Variants in SLC12A9 observed in about 807,000 individuals in gnomAD.
The protein encoded by SLC12A9 is CCC-interacting protein 1.
SLC12A9 carries 55 observed loss-of-function variants against 66.0 expected under a neutral mutation model. The observed-to-expected ratio is 0.83, with a 90% CI of 0.67 to 1.04. The LOEUF (loss-of-function observed/expected upper bound fraction) is 1.04, where lower values mean the gene tolerates loss of function less well. Ranked by LOEUF, SLC12A9 falls within the 50% of genes least tolerant of loss-of-function variation. The pLI is 0.00. For missense variants in SLC12A9, 1,061 were observed against 1,241.9 expected (o/e 0.85, Z 2.19); for synonymous variants, 577 against 569.0 (o/e 1.01, Z -0.20).
chr7:100,834,601 G>A (rs1294629813), intron 1 of SLC12A9, among the ~76,000 whole-genome samples: 1 of 152,078 alleles, frequency 6.6e-6, no homozygotes, highest in African/African-American at 2.4e-5. Context: ...AGGAGATAAG[G>A]GTTGGGTGCG....
At chr7:100,839,079 T>G (rs1232665703) in intron 1 of SLC12A9, among the ~76,000 whole-genome samples, 1 of 152,020 alleles carries the variant, frequency 6.6e-6, no homozygotes, top group Non-Finnish European at 1.5e-5. Context: ...ATCCCAGCGC[T>G]TTGGGAGGCC....
At chr7:100,855,939 C>T (rs774249477) in intron 4 of SLC12A9, 102 bp downstream of exon 4, 2 of 1,483,772 alleles carry the variant, frequency 1.3e-6, no homozygotes, top group African/African-American at 2.8e-5. Flanking sequence ...GCAGACTGAG[C>T]CATTACCTTG....
intron 1 of SLC12A9, among the ~76,000 whole-genome samples, chr7:100,841,706 T>A (rs1813794674): frequency 6.6e-6 from 1 of 152,120 alleles, no homozygotes; most frequent in East Asian, 1.9e-4. Context: ...TTAACATTCA[T>A]AACACACGAA....
chr7:100,856,714 G>A (rs1814408336), intron 4 of SLC12A9, 154 bp from the exon 5 acceptor site: 4 of 723,270 alleles, frequency 5.5e-6, no homozygotes, highest in South Asian at 2.0e-5. Flanking sequence ...GTTTCACAAT[G>A]TTGCCCAGGT....
chr7:100,865,552 A>T (rs1815023580), intron 13 of SLC12A9, 167 bp from the exon 14 acceptor site: 1 of 1,583,666 alleles, frequency 6.3e-7, no homozygotes, highest in Non-Finnish European at 8.6e-7. Flanking sequence ...AGGAAAAATG[A>T]AAAGTCTTTA....
exon 1 of SLC12A9, chr7:100,827,015 G>A (rs747556916): frequency 6.3e-7 from 1 of 1,584,110 alleles, no homozygotes; most frequent in South Asian, 1.2e-5. Context: ...CAGCAGAGCA[G>A]CACCCGGAGC....
At chr7:100,832,420 G>A (rs1813561651) in intron 1 of SLC12A9, among the ~76,000 whole-genome samples, 1 of 152,050 alleles carries the variant, frequency 6.6e-6, no homozygotes, top group Non-Finnish European at 1.5e-5. Flanking sequence ...AGGCCGAGGT[G>A]GGAGGATCAC....
At chr7:100,846,566 C>T (rs1453912482) in intron 1 of SLC12A9, among the ~76,000 whole-genome samples, 2 of 105,468 alleles carry the variant, frequency 1.9e-5, no homozygotes, top group Non-Finnish European at 4.1e-5. Flanking sequence ...GACTCCGTCT[C>T]AAAAAAAAAA....
intron 1 of SLC12A9, among the ~76,000 whole-genome samples, chr7:100,853,847 G>A (rs1390117415): frequency 6.6e-6 from 1 of 152,078 alleles, no homozygotes; most frequent in Non-Finnish European, 1.5e-5. Context: ...TCCTGCCTCA[G>A]CCTCCCAAGT....
chr7:100,854,049 A>G, intron 1 of SLC12A9, 107 bp from the exon 2 acceptor site: 1 of 671,044 alleles, frequency 1.5e-6, no homozygotes. Context: ...TTTTTAGTAG[A>G]GAGCAGCTCT....
At chr7:100,842,344 T>G (rs1813806894) in intron 1 of SLC12A9, among the ~76,000 whole-genome samples, 1 of 152,200 alleles carries the variant, frequency 6.6e-6, no homozygotes, top group Non-Finnish European at 1.5e-5. Context: ...ATTTAATGAT[T>G]GCTTTGTTAT....
chr7:100,833,673 A>G (rs1813587246), intron 1 of SLC12A9, among the ~76,000 whole-genome samples: 1 of 151,444 alleles, frequency 6.6e-6, no homozygotes, highest in African/African-American at 2.4e-5. Context: ...GGTGGCTCAC[A>G]CCTATAATCC....
intron 1 of SLC12A9, among the ~76,000 whole-genome samples, chr7:100,843,634 G>A: frequency 6.6e-6 from 1 of 152,178 alleles, no homozygotes; most frequent in East Asian, 1.9e-4. Flanking sequence ...TAGCAGCAAT[G>A]GCCCTGTTAG....
chr7:100,861,680 G>C lies in SLC12A9; in HGVS notation c.1537-57G>C. The C allele has an allele frequency of 1.2e-6, 2 of 1,612,362 alleles. No homozygotes were observed. The highest frequency in any genetic ancestry group is 1.7e-6 in the Non-Finnish European group (2 of 1,178,602). On this transcript the variant is annotated intron_variant, in intron 11 of 13. Transcript: ENST00000354161. This position sits in a 1 kb window ranked among gnomAD's most constrained non-coding sequence, Gnocchi z 5.3. ...TTGGTGCTCCCGTCCAGGAGGCGCT[G>C]AACGGGGCTGTGCATTTGATCCTGC...
chr7:100,851,447 A>G (rs1378698122), upstream of SLC12A9, among the ~76,000 whole-genome samples: 3 of 148,516 alleles, frequency 2.0e-5, no homozygotes, highest in African/African-American at 7.4e-5. Flanking sequence ...TTTTTGAGAC[A>G]GAGTCTCGTT....
intron 1 of SLC12A9, among the ~76,000 whole-genome samples, chr7:100,839,349 C>A (rs1020493065): frequency 6.6e-6 from 1 of 152,082 alleles, no homozygotes; most frequent in African/African-American, 2.4e-5. Flanking sequence ...AGGAATTGCT[C>A]ACTCAGGGAG....
Position 100,861,113 on chromosome 7 carries a change from G to A in SLC12A9, c.1219-25G>A, listed in dbSNP as rs182790279. 1.5e-5 allele frequency: 24 copies of A among 1,614,080 alleles called. No homozygotes were observed. In the Admixed American group the frequency reaches 2.8e-4, roughly 19 times the overall value. On this transcript the variant is annotated intron_variant, in intron 9 of 13. Transcript: ENST00000354161. This position sits in a 1 kb window ranked among gnomAD's most constrained non-coding sequence, Gnocchi z 5.3. Reference sequence around the variant, plus strand: ...GGGTGCACTGGCACTTTGGAACAACGGCACGCCTCTTGGCCCTTGCCCAGC... The same window carrying A: ...GGGTGCACTGGCACTTTGGAACAACAGCACGCCTCTTGGCCCTTGCCCAGC...
At chr7:100,865,292 G>C in intron 13 of SLC12A9, 1 of 1,535,804 alleles carries the variant, frequency 6.5e-7, no homozygotes, top group Non-Finnish European at 8.7e-7. Context: ...TGCAGAGTCT[G>C]GGACGCTATT....
intron 1 of SLC12A9, among the ~76,000 whole-genome samples, chr7:100,845,238 C>T (rs1054884079): frequency 1.2e-4 from 18 of 150,876 alleles, no homozygotes; most frequent in Non-Finnish European, 2.4e-4. Flanking sequence ...CAGAATCCCA[C>T]CAGGACTGGA....
Sources: allele counts gnomAD v4.1 joint callset (sites outside exome capture counted in the v4.1 genomes callset), GRCh38; gene constraint gnomAD v4.1.1; non-coding constraint Gnocchi (gnomAD v3.1); transcripts MANE v1.5; gene names NCBI Gene and HGNC (gene_info 2026-07-23, HGNC 2026-07-21).